Variants in EP400 observed in about 807,000 individuals in gnomAD.
The protein encoded by EP400 is E1A-binding protein p400.
EP400 carries 105 observed loss-of-function variants against 354.1 expected under a neutral mutation model. The ratio of observed to expected loss-of-function variants is 0.30; its 90% CI spans 0.25 to 0.35. The LOEUF is 0.35. Ranked by LOEUF, EP400 falls within the 10% of genes least tolerant of loss-of-function variation. The pLI, the probability that EP400 is intolerant of heterozygous loss-of-function variation, is 1.00. For synonymous variants in EP400, 1,646 were observed against 1,716.9 expected, an observed-to-expected ratio of 0.96 and a Z score of 1.02; for missense variants, 3,280 against 4,121.0, an observed-to-expected ratio of 0.80 and a Z score of 5.59.
chr12:132,014,156 G>T (rs768447651), intron 19 of EP400, among the ~76,000 whole-genome samples: 7 of 152,242 alleles, frequency 4.6e-5, no homozygotes, highest in Non-Finnish European at 7.3e-5. Flanking sequence ...AGCTGCCCAC[G>T]TGTAGGGTGG....
Position 132,062,581 on chromosome 12 carries a change from G to GCAGCAGCAA in EP400, c.8222_8223insACAGCAGCA (p.Gln2746_Gln2748dup). On this transcript the variant is annotated inframe_insertion, in exon 47 of 53. Transcript: ENST00000389561. ...AGCAGCAGCAGCAGCAGCAGCAGCA[G>GCAGCAGCAA]CAGCAGCAGCAACAGCAGCAGCAGC... The GCAGCAGCAA allele has an allele frequency of 6.2e-7, 1 of 1,607,058 alleles. No homozygotes were observed. The highest frequency in any genetic ancestry group is 1.1e-5 in the South Asian group (1 of 90,370).
At chr12:132,074,687 C>G (rs930659598) in intron 51 of EP400, among the ~76,000 whole-genome samples, 1 of 152,228 alleles carries the variant, frequency 6.6e-6, no homozygotes, top group African/African-American at 2.4e-5. Context: ...GTACTATATT[C>G]TGAGTCATGT....
At chr12:132,043,058 C>A (rs985288797) in intron 32 of EP400, among the ~76,000 whole-genome samples, 1 of 152,220 alleles carries the variant, frequency 6.6e-6, no homozygotes, top group Non-Finnish European at 1.5e-5. Context: ...TTCCATGGGG[C>A]CTGCCTGTCC....
At chr12:131,981,378 G>T in intron 3 of EP400, 111 bp from the exon 4 acceptor site, 1 of 761,210 alleles carries the variant, frequency 1.3e-6, no homozygotes, top group Non-Finnish European at 2.1e-6. Context: ...TTTAGTTCAT[G>T]TATAGAAAGG....
At chr12:132,045,696 C>T (rs748979427) in intron 38 of EP400, 31 bp from the exon 39 acceptor site, 2 of 1,612,662 alleles carry the variant, frequency 1.2e-6, no homozygotes, top group Middle Eastern at 1.7e-4. Context: ...AGAGTGTATT[C>T]ACCTGTTTTA....
At chr12:131,951,798 C>T (rs998430919) in intron 1 of EP400, among the ~76,000 whole-genome samples, 34 of 148,796 alleles carry the variant, frequency 2.3e-4, no homozygotes, top group African/African-American at 7.4e-4. Context: ...TGTTTTGAGA[C>T]GGAGTTTTGT....
At chr12:132,034,369 A>G (rs1894622102) in intron 30 of EP400, among the ~76,000 whole-genome samples, 1 of 152,260 alleles carries the variant, frequency 6.6e-6, no homozygotes, top group Admixed American at 6.5e-5. Flanking sequence ...TCGAGTGGGT[A>G]GACTTCATTC....
intron 5 of EP400, among the ~76,000 whole-genome samples, chr12:131,985,136 G>T (rs1212132512): frequency 3.3e-5 from 5 of 152,084 alleles, no homozygotes; most frequent in Non-Finnish European, 5.9e-5. Context: ...GATTACAGGC[G>T]TGAGCCGCCA....
At chr12:132,015,702 C>G (rs1364325871) in intron 19 of EP400, among the ~76,000 whole-genome samples, 1 of 152,180 alleles carries the variant, frequency 6.6e-6, no homozygotes, top group African/African-American at 2.4e-5. Context: ...GGCAGGAGAG[C>G]GCTTGGACTC....
At position 132,069,497 on chromosome 12, in the gene EP400, C is replaced by T. The variant is rs1251211886; in HGVS notation, c.8877C>T (p.Ile2959=). The change falls in exon 51 of 53, where the codon ATC becomes ATT. Residue 2959 remains isoleucine (I), a splice_region_variant and synonymous_variant. Transcript: ENST00000389561. ...CTAATTTCGCAGTCTCTCCCCAGATCACCGCACAGCAGATCACCACCCCTG... is the reference window on the plus strand; with the variant it reads ...CTAATTTCGCAGTCTCTCCCCAGATTACCGCACAGCAGATCACCACCCCTG... ...AQGPAAVQQK[I]TAQQITTPGA... is the part of the protein sequence containing the mutation. 13 of 1,613,898 alleles carry T rather than the reference C, an allele frequency of 8.1e-6. No individual in the cohort carries two copies. The highest frequency in any genetic ancestry group is 1.1e-5 in the South Asian group (1 of 91,070).
At chr12:132,065,088 C>T in intron 48 of EP400, 1 of 942,806 alleles carries the variant, frequency 1.1e-6, no homozygotes, top group Non-Finnish European at 1.5e-6. Flanking sequence ...TCCCAGAGCC[C>T]ATCCAGGCAT....
intron 3 of EP400, among the ~76,000 whole-genome samples, chr12:131,980,315 G>A (rs1892637465): frequency 6.6e-6 from 1 of 152,122 alleles, no homozygotes; most frequent in Non-Finnish European, 1.5e-5. Flanking sequence ...TGAAAAAGTT[G>A]AGATGCGATC....
At chr12:131,971,182 C>A (rs958965461) in intron 2 of EP400, among the ~76,000 whole-genome samples, 1 of 152,140 alleles carries the variant, frequency 6.6e-6, no homozygotes, top group Non-Finnish European at 1.5e-5. Context: ...CCAGGCTGGG[C>A]TGTAGAGCAA....
rs190007607 is a variant in EP400, at chr12:132,057,753, G to T, written c.7884+2545G>T. On this transcript the variant is annotated intron_variant, in intron 45 of 52. Transcript: ENST00000389561. ...TGCAGTAGATAGCAGAAGCTGTTAG[G>T]CCTGAGGCGTTTGGAACATCCCGTA... 5.9e-5 allele frequency among the ~76,000 whole-genome samples: 9 copies of T among 152,294 alleles called. No homozygotes were observed. The East Asian group carries it at 1.7e-3, about 29-fold the overall frequency.
rs1892989767 is a variant in EP400, at chr12:131,990,281, C to G, written c.2550+177C>G. Among the ~76,000 whole-genome samples the G allele has an allele frequency of 6.6e-6, 1 of 152,194 alleles. No homozygotes were observed. The highest frequency in any genetic ancestry group is 2.4e-5 in the African/African-American group (1 of 41,448). ...GCCTTTGAATGAGCTGCTCGTGCCT[C>G]CGTCTGTCTTGCACAGGGGATGCAC... On this transcript the variant is annotated intron_variant, in intron 8 of 52. Coordinates refer to ENST00000389561, the MANE Select transcript of EP400 (RefSeq NM_015409.5). The surrounding 1 kb of genome is among the most constrained non-coding windows in gnomAD (Gnocchi z 4.2).
chr12:132,020,996 A>AT (rs1234138489), intron 22 of EP400, 83 bp from the exon 23 acceptor site: 36 of 1,439,690 alleles, frequency 2.5e-5, no homozygotes, highest in Non-Finnish European at 3.2e-5. Flanking sequence ...TGTTTATTTT[A>AT]TTTCTTTAAA....
Position 131,986,572 on chromosome 12 carries a change from C to A in EP400, c.1988C>A (p.Pro663His), listed in dbSNP as rs767887727. 1 of 1,614,044 alleles carries A rather than the reference C, an allele frequency of 6.2e-7. No individual in the cohort carries two copies. The highest frequency in any genetic ancestry group is 1.7e-5 in the Admixed American group (1 of 60,024). The part of the protein sequence containing the change: ...DPAPPCPRPL[P>H]TSSTSSLAPV... Reference sequence around the variant, plus strand: ...GCCCCGCCCTGCCCACGGCCTCTGCCCACCTCTTCTACCTCGTCCCTCGCG... The same window carrying A: ...GCCCCGCCCTGCCCACGGCCTCTGCACACCTCTTCTACCTCGTCCCTCGCG... The change falls in exon 6 of 53, where the codon CCC becomes CAC. Residue 663 changes from proline (P) to histidine (H), a missense_variant. By Grantham distance (77) the Pro-to-His change is moderately conservative. This residue lies in a region of EP400 where 800 missense variants were observed against 840.0 expected (regional missense o/e 0.95). Coordinates refer to ENST00000389561, the MANE Select transcript of EP400 (RefSeq NM_015409.5).
rs947555459 is a variant in EP400, at chr12:132,077,311, C to G, written c.9100-90C>G. On this transcript the variant is annotated intron_variant, in intron 52 of 52. Coordinates refer to ENST00000389561, the MANE Select transcript of EP400 (RefSeq NM_015409.5). The stretch of plus-strand genomic sequence containing the variant: ...TAAAAGCATAGTCAGTGAAGTTTCT[C>G]GAGTCCTCCCCATCCCAAAGAACGT... 15 of 1,490,918 alleles carry G rather than the reference C, an allele frequency of 1.0e-5. No homozygotes were observed. In the East Asian group the frequency reaches 3.0e-4, roughly 29 times the overall value. The allele number at this position is 1,490,918 out of a possible 1,614,324, so 92.4% of individuals were successfully genotyped here.
Position 132,041,380 on chromosome 12 carries a change from C to A in EP400, c.6208-1924C>A, listed in dbSNP as rs568379364. Among the ~76,000 whole-genome samples the A allele has an allele frequency of 1.9e-4, 29 of 152,360 alleles. No individual in the cohort carries two copies. In the South Asian group the frequency reaches 5.6e-3, roughly 29 times the overall value. On this transcript the variant is annotated intron_variant, in intron 32 of 52. Coordinates refer to ENST00000389561, the MANE Select transcript of EP400 (RefSeq NM_015409.5). ...CAGCATCTGGTGGAGGAGGAGGATG[C>A]GGCGGGCTCCTCAGAAGGCCTGTCC...
Sources: allele counts gnomAD v4.1 joint callset (sites outside exome capture counted in the v4.1 genomes callset), GRCh38; gene constraint gnomAD v4.1.1; regional missense constraint gnomAD v4.1.1; non-coding constraint Gnocchi (gnomAD v3.1); transcripts MANE v1.5; gene names NCBI Gene and HGNC (gene_info 2026-07-23, HGNC 2026-07-21).